The following PTPN4 variants were observed in gnomAD, a reference collection of about 807,000 sequenced individuals.
The protein encoded by PTPN4 is protein tyrosine phosphatase non-receptor type 4, also known as tyrosine-protein phosphatase non-receptor type 4.
Under a neutral mutation model 135.5 loss-of-function variants are expected in PTPN4, and 49 were observed. The ratio of observed to expected loss-of-function variants is 0.36; its 90% confidence interval spans 0.29 to 0.46. The LOEUF (loss-of-function observed/expected upper bound fraction) is 0.46, where lower values mean the gene tolerates loss of function less well. PTPN4 is among the 20% of genes least tolerant of loss of function. The pLI is 1.00. For missense variants in PTPN4, 860 were observed against 1,101.0 expected, an observed-to-expected ratio of 0.78 and a Z score of 3.10; for synonymous variants, 333 against 369.9, an observed-to-expected ratio of 0.90 and a Z score of 1.14.
chr2:119,862,708 C>T lies in PTPN4; in HGVS notation c.246+65C>T, dbSNP rs1315316901. The T allele has an allele frequency of 5.2e-6, 7 of 1,343,922 alleles. No individual in the cohort carries two copies. In the African/African-American group the frequency reaches 7.4e-5, roughly 14 times the overall value. The allele number at this position is 1,343,922 out of a possible 1,614,324, so 83.2% of individuals were successfully genotyped here. On this transcript the variant is annotated intron_variant, in intron 3 of 26. Transcript: ENST00000263708. ...TCCTCTCAGTTTAGTGTAGAAAGTC[C>T]TTTCTGATTTACAGTGTTCACTGAT...
intron 11 of PTPN4, among the ~76,000 whole-genome samples, chr2:119,919,032 G>A (rs1003015108): frequency 1.3e-5 from 2 of 152,210 alleles, no homozygotes; most frequent in African/African-American, 4.8e-5. Context: ...CTATTCTATG[G>A]TGATAAAGGC....
chr2:119,966,989 G>A (rs529829372), intron 25 of PTPN4, among the ~76,000 whole-genome samples: 2 of 152,342 alleles, frequency 1.3e-5, no homozygotes, highest in South Asian at 4.2e-4. Context: ...TTTAAGAGTA[G>A]AGTTTCAAAT....
At position 119,884,820 on chromosome 2, in the gene PTPN4, C is replaced by T. The variant is rs574636566; in HGVS notation, c.588-975C>T. 7.0e-4 allele frequency among the ~76,000 whole-genome samples: 106 copies of T among 151,776 alleles called. 1 individual carries two copies. The highest frequency in any genetic ancestry group is 1.4e-3 in the Non-Finnish European group (95 of 67,958). On this transcript the variant is annotated intron_variant, in intron 8 of 26. Coordinates refer to ENST00000263708, the MANE Select transcript of PTPN4 (RefSeq NM_002830.4). ...AAGTGTACTGTTTTTTTTGAGGAGTCGTGTTATGATCATGCATTAGCGGGC... is the reference window on the plus strand; with the variant it reads ...AAGTGTACTGTTTTTTTTGAGGAGTTGTGTTATGATCATGCATTAGCGGGC...
At chr2:119,906,439 A>AT (rs1260477285) in intron 10 of PTPN4, among the ~76,000 whole-genome samples, 1 of 152,110 alleles carries the variant, frequency 6.6e-6, no homozygotes, top group Non-Finnish European at 1.5e-5. Flanking sequence ...TACGTGAAAA[A>AT]GAAACATTTT....
intron 9 of PTPN4, among the ~76,000 whole-genome samples, chr2:119,891,180 TA>T (rs1407550440): frequency 6.6e-6 from 1 of 152,246 alleles, no homozygotes; most frequent in African/African-American, 2.4e-5. Context: ...CTCTTTTCTT[TA>T]TTTTTGTTTG....
At chr2:119,840,722 T>G (rs1677367371) in intron 2 of PTPN4, among the ~76,000 whole-genome samples, 1 of 152,214 alleles carries the variant, frequency 6.6e-6, no homozygotes, top group South Asian at 2.1e-4. Context: ...AAATAAAACA[T>G]TCCTTTTTCT....
chr2:119,866,296 A>C (rs1394632412), intron 3 of PTPN4, among the ~76,000 whole-genome samples: 1 of 151,958 alleles, frequency 6.6e-6, no homozygotes, highest in Non-Finnish European at 1.5e-5. Context: ...AGTAGGATAG[A>C]GGGTAGATTA....
chr2:119,977,181 C>T lies in PTPN4; in HGVS notation c.*111C>T. The T allele has an allele frequency of 7.2e-7, 1 of 1,384,442 alleles. No homozygotes were observed. The allele number at this position is 1,384,442 out of a possible 1,614,324, so 85.8% of individuals were successfully genotyped here. A position where few individuals can be genotyped will look rare whatever the true frequency, so the allele number is the denominator to read the frequency against. On this transcript the variant is annotated 3_prime_UTR_variant, in exon 27 of 27. Transcript: ENST00000263708. ...TTTTACAAAAAAAAAATGAAGAACT[C>T]AAAAAAACTTTGAAAACTTCAGCAC...
At chr2:119,946,200 C>A in intron 16 of PTPN4, 141 bp from the exon 17 acceptor site, 2 of 652,184 alleles carry the variant, frequency 3.1e-6, no homozygotes, top group Non-Finnish European at 4.9e-6. Flanking sequence ...ATTTACTCTT[C>A]TGAACTAAAA....
chr2:119,939,917 A>T (rs542355981), intron 15 of PTPN4, among the ~76,000 whole-genome samples: 3 of 152,340 alleles, frequency 2.0e-5, no homozygotes, highest in Admixed American at 2.0e-4. Flanking sequence ...ATATCAAGCC[A>T]TGGGGACTTA....
chr2:119,832,901 A>G (rs1677239715), intron 2 of PTPN4, among the ~76,000 whole-genome samples: 1 of 152,166 alleles, frequency 6.6e-6, no homozygotes, highest in Non-Finnish European at 1.5e-5. Context: ...CTGCCTTCTC[A>G]TTCTTTGGAA....
At chr2:119,882,054 T>C in intron 6 of PTPN4, 43 bp from the exon 7 acceptor site, 1 of 1,509,574 alleles carries the variant, frequency 6.6e-7, no homozygotes, top group East Asian at 2.3e-5. Context: ...TTGAAATTGC[T>C]ATGTTTAACC....
intron 2 of PTPN4, among the ~76,000 whole-genome samples, chr2:119,823,388 C>A (rs779479947): frequency 5.3e-5 from 8 of 152,134 alleles, no homozygotes; most frequent in Non-Finnish European, 1.0e-4. Flanking sequence ...GTGCCCGCCA[C>A]CACGCCCGGC....
At chr2:119,827,277 A>G (rs918757635) in intron 2 of PTPN4, among the ~76,000 whole-genome samples, 7 of 152,346 alleles carry the variant, frequency 4.6e-5, no homozygotes, top group Admixed American at 3.9e-4. Context: ...GTTGGGGGGA[A>G]ATCTATTTGA....
At chr2:119,956,267 C>T (rs10207723) in intron 20 of PTPN4, among the ~76,000 whole-genome samples, 4,941 of 102,948 alleles carry the variant, frequency 0.048, 322 homozygotes, top group African/African-American at 0.16. Context: ...TTTTGAGAAG[C>T]GGCCTCTCAC....
chr2:119,882,384 GT>G, intron 7 of PTPN4, 118 bp from the exon 8 acceptor site: 8 of 1,120,026 alleles, frequency 7.1e-6, no homozygotes, highest in East Asian at 5.4e-5. Flanking sequence ...TGCTTAAGTG[GT>G]TATATTAGAA....
intron 19 of PTPN4, 102 bp from the exon 20 acceptor site, chr2:119,955,055 A>G: frequency 3.7e-6 from 4 of 1,095,730 alleles, no homozygotes; most frequent in Non-Finnish European, 5.1e-6. Flanking sequence ...CAAATGAATT[A>G]TTTTTTGAAC....
chr2:119,885,995 T>A (rs1015767607), intron 9 of PTPN4, 113 bp downstream of exon 9: 10 of 678,366 alleles, frequency 1.5e-5, no homozygotes, highest in Non-Finnish European at 2.4e-5. Flanking sequence ...CTGACACAGC[T>A]GCACTGAAAA....
intron 13 of PTPN4, among the ~76,000 whole-genome samples, chr2:119,927,113 C>CT (rs35553909): frequency 0.099 from 12,196 of 122,842 alleles, 882 homozygotes; most frequent in East Asian, 0.15. Flanking sequence ...AGCCAATTTG[C>CT]TTTTTTTTTT....
Sources: gnomAD v4.1 joint callset for allele counts (sites outside exome capture counted in the v4.1 genomes callset) on GRCh38, gnomAD v4.1.1 for gene constraint, MANE v1.5 for transcripts, NCBI Gene and HGNC (gene_info 2026-07-23, HGNC 2026-07-21) for gene names.